Variants in LRP1B observed in about 807,000 individuals in gnomAD.
LRP1B encodes low-density lipoprotein receptor-related protein 1B.
Under a neutral mutation model 556.6 loss-of-function variants are expected in LRP1B, and 217 were observed. That is an observed-to-expected ratio of 0.39 (90% confidence interval 0.35 to 0.44). The LOEUF (loss-of-function observed/expected upper bound fraction) is 0.44. LRP1B is among the 20% of genes least tolerant of loss of function. The pLI is 1.00. For synonymous variants in LRP1B, 2,047 were observed against 1,865.8 expected, an observed-to-expected ratio of 1.10 and a Z score of -2.50; for missense variants, 5,053 against 5,620.8, an observed-to-expected ratio of 0.90 and a Z score of 3.23.
chr2:140,614,654 G>GA (rs944565480), intron 41 of LRP1B, among the ~76,000 whole-genome samples: 10 of 152,080 alleles, frequency 6.6e-5, no homozygotes, highest in African/African-American at 2.4e-4. Flanking sequence ...TGGCTGGAGA[G>GA]AAAAATTTGA....
intron 1 of LRP1B, among the ~76,000 whole-genome samples, chr2:141,862,850 T>G (rs1303600041): frequency 6.6e-6 from 1 of 152,194 alleles, no homozygotes; most frequent in Non-Finnish European, 1.5e-5. Context: ...CACCCACAAA[T>G]TTCCCAATAG....
intron 3 of LRP1B, among the ~76,000 whole-genome samples, chr2:141,315,837 A>C (rs1687008971): frequency 6.8e-6 from 1 of 147,514 alleles, no homozygotes; most frequent in Non-Finnish European, 1.5e-5. Flanking sequence ...AAAACTCAGA[A>C]AATACCTCTG....
At chr2:141,802,795 C>G (rs1024041037) in intron 2 of LRP1B, among the ~76,000 whole-genome samples, 1 of 152,084 alleles carries the variant, frequency 6.6e-6, no homozygotes, top group African/African-American at 2.4e-5. Context: ...TGTGCTCACA[C>G]ATGAAAGGTA....
At chr2:141,585,028 T>TA (rs1399461833) in intron 2 of LRP1B, among the ~76,000 whole-genome samples, 1 of 152,154 alleles carries the variant, frequency 6.6e-6, no homozygotes, top group Non-Finnish European at 1.5e-5. Context: ...TAAAAATGGC[T>TA]AAAATGGTAA....
chr2:140,339,258 A>G (rs1681252002), intron 77 of LRP1B, among the ~76,000 whole-genome samples: 2 of 151,914 alleles, frequency 1.3e-5, no homozygotes, highest in Middle Eastern at 3.4e-3. Context: ...TTCCAGCTTC[A>G]ATAAACTGAA....
At chr2:140,975,384 T>C (rs554229146) in intron 18 of LRP1B, among the ~76,000 whole-genome samples, 214 of 152,270 alleles carry the variant, frequency 1.4e-3, no homozygotes, top group African/African-American at 5.1e-3. Flanking sequence ...TGTCAGAGGA[T>C]TGTGAAATTT....
chr2:142,000,821 C>T (rs1329441078), intron 1 of LRP1B, among the ~76,000 whole-genome samples: 2 of 152,072 alleles, frequency 1.3e-5, no homozygotes, highest in African/African-American at 2.4e-5. Flanking sequence ...GCCCAGATCA[C>T]CCAAATATTG....
chr2:140,598,762 G>C lies in LRP1B; in HGVS notation c.7063C>G (p.Gln2355Glu), dbSNP rs891402597. Residue 2355 changes from glutamine (Q) to glutamate (E), a missense_variant, in exon 43 of 91, where the codon CAA becomes GAA. Physicochemically the swap from Gln to Glu is conservative, Grantham distance 29. Around this residue, in one of 5 missense-constraint regions of LRP1B, gnomAD observed 3,619 missense variants for 3,931.9 expected, o/e 0.92. Coordinates refer to ENST00000389484, the MANE Select transcript of LRP1B (RefSeq NM_018557.3). Reference protein sequence around the residue: ...MRSTLTGKNAQVVVSTDILTP... With the variant: ...MRSTLTGKNAEVVVSTDILTP... ...AGTATGTCTGTACTGACCACCACTTGAGCATTTTTCCCAGTCAGAGTAGAT... is the reference window on the plus strand; with the variant it reads ...AGTATGTCTGTACTGACCACCACTTCAGCATTTTTCCCAGTCAGAGTAGAT... 1.4e-5 allele frequency: 23 copies of C among 1,612,770 alleles called. No individual in the cohort carries two copies. The highest frequency in any genetic ancestry group is 1.9e-5 in the Non-Finnish European group (22 of 1,179,036).
chr2:141,726,689 A>G (rs13009867), intron 2 of LRP1B, among the ~76,000 whole-genome samples: 27,441 of 152,020 alleles, frequency 0.18, 2,763 homozygotes, highest in East Asian at 0.25. Context: ...GGTGGCTTAT[A>G]AAAAATAAAC....
intron 35 of LRP1B, among the ~76,000 whole-genome samples, chr2:140,744,028 T>G: frequency 7.9e-6 from 1 of 126,392 alleles, no homozygotes; most frequent in Non-Finnish European, 1.7e-5. Context: ...ACTAAAACAG[T>G]GGTTATCAGT....
chr2:141,801,634 T>C (rs1405733483), intron 2 of LRP1B, among the ~76,000 whole-genome samples: 1 of 152,138 alleles, frequency 6.6e-6, no homozygotes, highest in Non-Finnish European at 1.5e-5. Flanking sequence ...AATTTTTCAG[T>C]GGATTTTCAA....
chr2:141,109,547 G>A lies in LRP1B; in HGVS notation c.1014-47274C>T, dbSNP rs373655678. 1.2e-4 allele frequency among the ~76,000 whole-genome samples: 19 copies of A among 152,012 alleles called. No individual in the cohort carries two copies. The South Asian group carries it at 2.7e-3, about 22-fold the overall frequency. ...AATTCCTAGAGAAGCCTCAAAAGGA[G>A]GACTCAAACATAGTATAACAAAGTA... On this transcript the variant is annotated intron_variant, in intron 7 of 90. Coordinates refer to ENST00000389484, the MANE Select transcript of LRP1B (RefSeq NM_018557.3).
intron 2 of LRP1B, among the ~76,000 whole-genome samples, chr2:141,496,744 C>T (rs904643287): frequency 2.6e-5 from 4 of 151,412 alleles, no homozygotes; most frequent in African/African-American, 9.7e-5. Context: ...TTGCTTGTAT[C>T]ATCAAAGAAG....
chr2:141,828,327 T>C (rs1383152072), intron 1 of LRP1B, among the ~76,000 whole-genome samples: 1 of 152,124 alleles, frequency 6.6e-6, no homozygotes, highest in African/African-American at 2.4e-5. Flanking sequence ...AGCAGTGTGG[T>C]AATTCAATTT....
intron 57 of LRP1B, among the ~76,000 whole-genome samples, chr2:140,490,982 G>A (rs1012321784): frequency 6.6e-6 from 1 of 151,870 alleles, no homozygotes; most frequent in Admixed American, 6.6e-5. Context: ...GATACCACCA[G>A]GAGAAAAGAA....
intron 2 of LRP1B, among the ~76,000 whole-genome samples, chr2:141,770,304 A>G (rs961460724): frequency 6.6e-6 from 1 of 152,230 alleles, no homozygotes; most frequent in African/African-American, 2.4e-5. Context: ...CTGTCAGATC[A>G]TTACACAATA....
chr2:141,075,543 C>T (rs1249154422), intron 7 of LRP1B, among the ~76,000 whole-genome samples: 5 of 152,046 alleles, frequency 3.3e-5, no homozygotes, highest in African/African-American at 9.7e-5. Context: ...TACTGAAAAG[C>T]TCATGCTCAA....
In LRP1B at chr2:140,232,425, G is replaced by C. The variant is rs1179702770; in HGVS notation, c.*761C>G. On this transcript the variant is annotated 3_prime_UTR_variant, in exon 91 of 91. Transcript: ENST00000389484. Reference sequence around the variant, plus strand: ...TCTCGAGACTGAGGGAGAATAAAAGGTCTTATTCCATAGCAAGTGCAGTCG... The same window carrying C: ...TCTCGAGACTGAGGGAGAATAAAAGCTCTTATTCCATAGCAAGTGCAGTCG... The C allele has an allele frequency of 1.3e-5, 2 of 151,522 alleles. No individual in the cohort carries two copies. The highest frequency in any genetic ancestry group is 3.9e-4 in the East Asian group (2 of 5,098). 9.4% of individuals were successfully genotyped at this position (151,522 alleles called of 1,614,324 possible).
At chr2:141,483,363 T>G (rs924169953) in intron 2 of LRP1B, among the ~76,000 whole-genome samples, 11 of 148,220 alleles carry the variant, frequency 7.4e-5, no homozygotes, top group African/African-American at 2.7e-4. Flanking sequence ...AGTCTATCCT[T>G]GTTGGACATT....
Sources: allele counts gnomAD v4.1 joint callset (sites outside exome capture counted in the v4.1 genomes callset), GRCh38; gene constraint gnomAD v4.1.1; regional missense constraint gnomAD v4.1.1; transcripts MANE v1.5; gene names NCBI Gene and HGNC (gene_info 2026-07-23, HGNC 2026-07-21).